ZFPM2: variants seen among roughly 807,000 people sequenced by gnomAD.
ZFPM2 encodes the protein zinc finger protein, FOG family member 2.
Under a neutral mutation model 98.6 loss-of-function variants are expected in ZFPM2, and 20 were observed. The observed-to-expected ratio is 0.20, with a 90% CI of 0.14 to 0.29. The LOEUF is 0.29. Ranked by LOEUF, ZFPM2 falls within the 10% of genes least tolerant of loss-of-function variation. The pLI is 1.00. For synonymous variants in ZFPM2, 518 were observed against 502.7 expected (o/e 1.03, Z -0.41); for missense variants, 1,310 against 1,388.6 (o/e 0.94, Z 0.90).
At chr8:105,471,888 G>C (rs1812911237) in intron 3 of ZFPM2, among the ~76,000 whole-genome samples, 1 of 152,114 alleles carries the variant, frequency 6.6e-6, no homozygotes, top group Non-Finnish European at 1.5e-5. Context: ...AAAGAATTTA[G>C]ATTAAGCTGC....
At chr8:105,328,125 A>G (rs1433847058) in intron 1 of ZFPM2, among the ~76,000 whole-genome samples, 1 of 151,860 alleles carries the variant, frequency 6.6e-6, no homozygotes, top group Admixed American at 6.6e-5. Flanking sequence ...GTGATGTTAT[A>G]TAGCCCATAC....
intron 4 of ZFPM2, among the ~76,000 whole-genome samples, chr8:105,588,883 G>A (rs1815783392): frequency 6.6e-6 from 1 of 152,174 alleles, no homozygotes; most frequent in Non-Finnish European, 1.5e-5. Context: ...ATGATGAGTA[G>A]GCTTGGTACT....
chr8:105,615,955 G>T (rs1290029119), intron 4 of ZFPM2, among the ~76,000 whole-genome samples: 1 of 151,990 alleles, frequency 6.6e-6, no homozygotes, highest in African/African-American at 2.4e-5. Flanking sequence ...TTTGTTTTTG[G>T]CTTGGTTTGA....
At chr8:105,767,266 A>G (rs1812875036) in intron 5 of ZFPM2, among the ~76,000 whole-genome samples, 1 of 151,978 alleles carries the variant, frequency 6.6e-6, no homozygotes, top group African/African-American at 2.4e-5. Flanking sequence ...TGTAGCCAGC[A>G]ATGCACGCAA....
At chr8:105,661,877 C>G (rs1277948997) in intron 5 of ZFPM2, among the ~76,000 whole-genome samples, 1 of 152,030 alleles carries the variant, frequency 6.6e-6, no homozygotes, top group Non-Finnish European at 1.5e-5. Flanking sequence ...GAGTTTTACA[C>G]AACCCAGTTG....
At chr8:105,377,379 C>G (rs1363586973) in intron 1 of ZFPM2, among the ~76,000 whole-genome samples, 2 of 151,798 alleles carry the variant, frequency 1.3e-5, no homozygotes, top group Non-Finnish European at 2.9e-5. Flanking sequence ...AGAATGTAAA[C>G]CCAAGGAAAT....
At chr8:105,664,282 C>T (rs940731878) in intron 5 of ZFPM2, among the ~76,000 whole-genome samples, 3 of 151,926 alleles carry the variant, frequency 2.0e-5, no homozygotes, top group African/African-American at 7.3e-5. Flanking sequence ...ATCAAATAAT[C>T]ACTTTCATTA....
chr8:105,587,356 T>A lies in ZFPM2; in HGVS notation c.420+25875T>A, dbSNP rs531007326. 1.5e-4 allele frequency among the ~76,000 whole-genome samples: 22 copies of A among 150,520 alleles called. No homozygotes were observed. In the South Asian group the frequency reaches 1.7e-3, roughly 12 times the overall value. ...TACCTATACGGAATAAAAGTGAAGA[T>A]GATGTGTCTCATAGCACTAAAATAA... On this transcript the variant is annotated intron_variant, in intron 4 of 7. Transcript: ENST00000407775.
At chr8:105,383,885 T>C (rs1810935386) in intron 1 of ZFPM2, among the ~76,000 whole-genome samples, 7 of 152,206 alleles carry the variant, frequency 4.6e-5, no homozygotes, top group Admixed American at 4.6e-4. Flanking sequence ...ATCTGCATAA[T>C]GCTTATATTG....
chr8:105,640,133 G>C (rs1028639215), intron 5 of ZFPM2, among the ~76,000 whole-genome samples: 2 of 151,868 alleles, frequency 1.3e-5, no homozygotes, highest in Non-Finnish European at 2.9e-5. Flanking sequence ...ATAAATTTAG[G>C]TTTCGATGGG....
At chr8:105,441,428 G>C (rs1396550407) in intron 2 of ZFPM2, among the ~76,000 whole-genome samples, 3 of 110,632 alleles carry the variant, frequency 2.7e-5, no homozygotes, top group Non-Finnish European at 5.0e-5. Flanking sequence ...AAAAAAGAAA[G>C]AAAGAAAGAG....
chr8:105,319,736 A>G (rs1811983654), intron 1 of ZFPM2: 2 of 152,158 alleles, frequency 1.3e-5, no homozygotes, highest in Non-Finnish European at 2.9e-5. Context: ...GCCGCCAGTC[A>G]CTTCCCAGCG....
intron 5 of ZFPM2, among the ~76,000 whole-genome samples, chr8:105,778,516 GTGTT>G (rs1330209982): frequency 4.6e-5 from 7 of 152,064 alleles, no homozygotes; most frequent in Non-Finnish European, 8.8e-5. Context: ...GTGCGTGTGT[GTGTT>G]TGTTTGCTAA....
chr8:105,531,972 C>T (rs1483192265), intron 3 of ZFPM2, among the ~76,000 whole-genome samples: 1 of 152,064 alleles, frequency 6.6e-6, no homozygotes, highest in Non-Finnish European at 1.5e-5. Context: ...GTGATCTCAG[C>T]TTACTGCAAC....
intron 5 of ZFPM2, among the ~76,000 whole-genome samples, chr8:105,659,374 C>G (rs1289131252): frequency 6.6e-6 from 1 of 152,136 alleles, no homozygotes; most frequent in African/African-American, 2.4e-5. Flanking sequence ...TGTGGTTGAT[C>G]TCTTAGTTGA....
intron 3 of ZFPM2, among the ~76,000 whole-genome samples, chr8:105,453,588 T>C (rs1812528456): frequency 6.6e-6 from 1 of 152,078 alleles, no homozygotes; most frequent in African/African-American, 2.4e-5. Flanking sequence ...GCTAATCTGA[T>C]TTCATCAATT....
At chr8:105,384,129 G>A (rs1233846315) in intron 1 of ZFPM2, among the ~76,000 whole-genome samples, 1 of 152,052 alleles carries the variant, frequency 6.6e-6, no homozygotes, top group East Asian at 1.9e-4. Flanking sequence ...TGGACACCTT[G>A]ACTCCTCCAT....
At chr8:105,786,442 T>C (rs563441025) in intron 5 of ZFPM2, among the ~76,000 whole-genome samples, 1 of 152,214 alleles carries the variant, frequency 6.6e-6, no homozygotes, top group African/African-American at 2.4e-5. Context: ...TTTCAATGAA[T>C]AGCCAATTAA....
chr8:105,695,185 A>T (rs1810985607), intron 5 of ZFPM2, among the ~76,000 whole-genome samples: 1 of 152,150 alleles, frequency 6.6e-6, no homozygotes, highest in South Asian at 2.1e-4. Flanking sequence ...AGAAATAAAG[A>T]TTCCTGTTAA....
Sources: allele counts gnomAD v4.1 joint callset (sites outside exome capture counted in the v4.1 genomes callset), GRCh38; gene constraint gnomAD v4.1.1; transcripts MANE v1.5; gene names NCBI Gene and HGNC (gene_info 2026-07-23, HGNC 2026-07-21).